Variants in HIGD1B observed in about 807,000 individuals in gnomAD.
HIGD1B encodes HIG1 domain family member 1B.
In HIGD1B, 9 loss-of-function variants were observed where a neutral mutation model predicts 8.8. That is an observed-to-expected ratio of 1.02 (90% CI 0.62 to 1.78). The LOEUF (loss-of-function observed/expected upper bound fraction) is 1.78, where lower values mean the gene tolerates loss of function less well. Among genes scored for constraint, HIGD1B ranks in the 40% most tolerant of loss-of-function variants. The pLI is 0.00. For synonymous variants in HIGD1B, 47 were observed against 38.8 expected (o/e 1.21, Z -0.78); for missense variants, 126 against 111.8 (o/e 1.13, Z -0.57).
At chr17:44,849,565 T>G (rs903106977) in intron 2 of HIGD1B, among the ~76,000 whole-genome samples, 177 bp downstream of exon 2, 6 of 151,948 alleles carry the variant, frequency 3.9e-5, no homozygotes, top group East Asian at 3.9e-4. Context: ...AGAGAGACCA[T>G]CCTGGCCAAC....
rs2050343882 is a variant in HIGD1B at position 44,848,158 on chromosome 17, TGCTAACAGAC to T, written c.10_19del (p.Asn4GlyfsTer16). The T allele has an allele frequency of 2.3e-6, 2 of 872,564 alleles. No individual in the cohort carries two copies. Among genetic ancestry groups the T allele is most frequent in the Non-Finnish European group, 4.0e-6 (2 of 501,562 alleles). 54.1% of individuals were successfully genotyped at this position (872,564 alleles called of 1,614,324 possible). On this transcript the variant is annotated frameshift_variant, in exon 1 of 3. Transcript: ENST00000253410. LOFTEE classifies it high-confidence loss of function. Reference sequence around the variant, plus strand: ...TTACATCCAGGTCCAGGATTATGTCTGCTAACAGACGCTGGTGGGTACCACCTGACGACGA... The same window carrying T: ...TTACATCCAGGTCCAGGATTATGTCTGCTGGTGGGTACCACCTGACGACGA...
rs543561327 is a variant in HIGD1B, at chr17:44,848,212, G to C, written c.60G>C (p.Lys20Asn). ...ACGACGAAGACTGTGTGTCTGAGAA[G>C]CTCCTGAGGAAGACTCGGGAATCTC... ...PPDDEDCVSE[K>N]LLRKTRESPL... The change falls in exon 1 of 3, where the codon AAG becomes AAC. Residue 20 changes from lysine (K) to asparagine (N), a missense_variant. Physicochemically the swap from Lys to Asn is moderately conservative, Grantham distance 94 (BLOSUM62 0). Transcript: ENST00000253410. 1 of 872,950 alleles carries C rather than the reference G, an allele frequency of 1.1e-6. No homozygotes were observed. The highest frequency in any genetic ancestry group is 1.7e-5 in the Admixed American group (1 of 59,186). 54.1% of individuals were successfully genotyped at this position (872,950 alleles called of 1,614,324 possible).
intron 1 of HIGD1B, 133 bp downstream of exon 1, chr17:44,848,385 A>G: frequency 1.6e-6 from 1 of 627,014 alleles, no homozygotes; most frequent in Non-Finnish European, 2.8e-6. Flanking sequence ...AAACAACAGC[A>G]AAGGTGCCAA....
upstream of HIGD1B, among the ~76,000 whole-genome samples, chr17:44,846,655 G>A (rs897416590): frequency 5.3e-5 from 8 of 152,048 alleles, no homozygotes; most frequent in South Asian, 2.1e-4. Context: ...TTAGCTGAGC[G>A]TGGTAGCATG....
At chr17:44,847,708 G>A (rs2050337877), upstream of HIGD1B, among the ~76,000 whole-genome samples, 1 of 152,238 alleles carries the variant, frequency 6.6e-6, no homozygotes, top group South Asian at 2.1e-4. Flanking sequence ...CCTGGGGCCA[G>A]ATCCTGCTCT....
chr17:44,849,050 A>G, intron 1 of HIGD1B: 1 of 531,200 alleles, frequency 1.9e-6, no homozygotes, highest in Non-Finnish European at 3.3e-6. Flanking sequence ...TGCTGGGATT[A>G]CAGGCGTGAG....
At chr17:44,846,231 G>C (rs1253362911), upstream of HIGD1B, 1 of 152,304 alleles carries the variant, frequency 6.6e-6, no homozygotes, top group Non-Finnish European at 1.5e-5. Flanking sequence ...GGACTCAGCA[G>C]ACTGGGGGTT....
At chr17:44,848,506 CAGA>C (rs1357119820) in intron 1 of HIGD1B, among the ~76,000 whole-genome samples, 2 of 152,142 alleles carry the variant, frequency 1.3e-5, no homozygotes, top group African/African-American at 4.8e-5. Context: ...TGGGAAGGGT[CAGA>C]AGAACACCTT....
chr17:44,847,604 T>C (rs2050336762), upstream of HIGD1B, among the ~76,000 whole-genome samples: 1 of 152,244 alleles, frequency 6.6e-6, no homozygotes, highest in Non-Finnish European at 1.5e-5. Flanking sequence ...AAATATATGC[T>C]AAATTACATG....
intron 1 of HIGD1B, 128 bp from the exon 2 acceptor site, chr17:44,849,126 C>A: frequency 1.7e-6 from 2 of 1,152,998 alleles, no homozygotes; most frequent in Non-Finnish European, 1.2e-6. Flanking sequence ...ACGCCCACCC[C>A]CCGCCACCAG....
chr17:44,849,288 G>A lies in HIGD1B; in HGVS notation c.135G>A (p.Arg45=). 1.2e-6 allele frequency: 2 copies of A among 1,614,114 alleles called. No individual in the cohort carries two copies. The highest frequency in any genetic ancestry group is 1.7e-6 in the Non-Finnish European group (2 of 1,180,010). Residue 45 remains arginine, a synonymous_variant, in exon 2 of 3, where the codon AGG becomes AGA. Transcript: ENST00000253410. ...GCTGCTTGGTGGTAGCAGCATACAG[G>A]ATTTACCGGCTGAGGTCTCGTGGTT... is the stretch of plus-strand genomic sequence containing the variant. The part of the protein sequence containing the change: ...LGGCLVVAAY[R]IYRLRSRGST...
At chr17:44,850,077 C>A in intron 2 of HIGD1B, 2 of 399,972 alleles carry the variant, frequency 5.0e-6, no homozygotes, top group Non-Finnish European at 4.6e-6. Flanking sequence ...CCTGGCCTGC[C>A]TACCTTGCAG....
intron 2 of HIGD1B, chr17:44,849,893 G>C (rs2145420661): frequency 5.5e-6 from 1 of 182,976 alleles, no homozygotes; most frequent in East Asian, 1.4e-4. Flanking sequence ...TGTGGGGACA[G>C]TGTCTCATGA....
Position 44,848,229 on chromosome 17 carries a change from G to A in HIGD1B, c.77G>A (p.Arg26Gln), listed in dbSNP as rs778059004. The A allele has an allele frequency of 2.9e-5, 25 of 872,794 alleles. No individual in the cohort carries two copies. The Middle Eastern group carries it at 6.5e-4, about 23-fold the overall frequency. 54.1% of individuals were successfully genotyped at this position (872,794 alleles called of 1,614,324 possible). The change falls in exon 1 of 3, where the codon CGG (arginine) becomes CAG (glutamine). Residue 26 changes from arginine to glutamine, a missense_variant. By Grantham distance (43) the Arg-to-Gln change is conservative. Transcript: ENST00000253410. ...TCTGAGAAGCTCCTGAGGAAGACTC[G>A]GGAATCTCCACTGGTGCCTATAGGT... ...CVSEKLLRKT[R>Q]ESPLVPIGLG...
chr17:44,845,624 C>CA (rs1176002496), upstream of HIGD1B, among the ~76,000 whole-genome samples: 1 of 151,794 alleles, frequency 6.6e-6, no homozygotes, highest in Admixed American at 6.6e-5. Flanking sequence ...ATCTCAAAAA[C>CA]AAAACAAAAC....
chr17:44,850,083 T>C (rs1351820452), intron 2 of HIGD1B: 9 of 410,692 alleles, frequency 2.2e-5, no homozygotes, highest in Non-Finnish European at 4.0e-5. Context: ...CTGCCTACCT[T>C]GCAGGCTGCT....
At chr17:44,848,647 G>A (rs1242384123) in intron 1 of HIGD1B, among the ~76,000 whole-genome samples, 2 of 53,336 alleles carry the variant, frequency 3.7e-5, no homozygotes, top group Non-Finnish European at 5.3e-5. Context: ...GGGCTGTGTC[G>A]TGGTGATCAG....
Position 44,850,352 on chromosome 17 carries a change from A to C in HIGD1B, c.256A>C (p.Ser86Arg), listed in dbSNP as rs958948210. ...CACAGGTGCTGTGTACACAATGTAC[A>C]GCGATTACGTCAAGAGGATGGCACA... ...IMLGAVYTMY[S>R]DYVKRMAQDA... The change falls in exon 3 of 3, where the codon AGC (serine) becomes CGC (arginine). Residue 86 changes from serine (S) to arginine (R), a missense_variant. Transcript: ENST00000253410. 1.9e-6 allele frequency: 3 copies of C among 1,613,290 alleles called. No homozygotes were observed. In the African/African-American group the frequency reaches 4.0e-5, roughly 22 times the overall value.
chr17:44,850,296 G>A (rs772764846), intron 2 of HIGD1B, 36 bp from the exon 3 acceptor site: 3 of 1,573,748 alleles, frequency 1.9e-6, no homozygotes, highest in Non-Finnish European at 1.7e-6. Context: ...TGAAGGGTTT[G>A]ATGCCAAGGG....
Sources: allele counts gnomAD v4.1 joint callset (sites outside exome capture counted in the v4.1 genomes callset), GRCh38; gene constraint gnomAD v4.1.1; transcripts MANE v1.5; gene names NCBI Gene and HGNC (gene_info 2026-07-23, HGNC 2026-07-21).